GAB1: variants seen among roughly 807,000 people sequenced by gnomAD.
GAB1 encodes the protein GRB2-associated-binding protein 1.
A neutral mutation model predicts 66.5 loss-of-function variants in GAB1; 19 were observed. That is an observed-to-expected ratio of 0.29 (90% CI 0.20 to 0.42). The LOEUF (loss-of-function observed/expected upper bound fraction) is 0.42, where lower values mean the gene tolerates loss of function less well. Among genes scored for constraint, GAB1 ranks in the 10% least tolerant of loss-of-function variants. The pLI is 1.00. For synonymous variants in GAB1, 294 were observed against 301.4 expected (o/e 0.98, Z 0.25); for missense variants, 732 against 858.5 (o/e 0.85, Z 1.84).
intron 1 of GAB1, among the ~76,000 whole-genome samples, chr4:143,399,257 C>T (rs1731623785): frequency 6.6e-6 from 1 of 152,142 alleles, no homozygotes; most frequent in Non-Finnish European, 1.5e-5. Context: ...AATATACTAC[C>T]TAGATGCAAT....
intron 1 of GAB1, among the ~76,000 whole-genome samples, chr4:143,406,696 C>T (rs560029415): frequency 1.3e-5 from 2 of 152,356 alleles, no homozygotes; most frequent in South Asian, 4.1e-4. Flanking sequence ...GGCCTTTCTT[C>T]CCAGTACACA....
chr4:143,383,497 T>C (rs1048867746), intron 1 of GAB1, among the ~76,000 whole-genome samples: 4 of 152,158 alleles, frequency 2.6e-5, no homozygotes, highest in African/African-American at 7.2e-5. Flanking sequence ...TTCTGAGAAG[T>C]GTAAGAAAAG....
chr4:143,440,424 A>G (rs1289347004), intron 6 of GAB1, 42 bp downstream of exon 6: 3 of 1,518,118 alleles, frequency 2.0e-6, no homozygotes, highest in African/African-American at 1.4e-5. Flanking sequence ...GGGAGTGCCA[A>G]GTTAGATCTA....
chr4:143,444,211 G>A (rs1002031119), intron 6 of GAB1, among the ~76,000 whole-genome samples: 2 of 151,936 alleles, frequency 1.3e-5, no homozygotes, highest in African/African-American at 4.8e-5. Context: ...ATATTAAATC[G>A]CTAAACTTAT....
intron 2 of GAB1, among the ~76,000 whole-genome samples, chr4:143,427,581 C>T (rs151068595): frequency 4.1e-4 from 62 of 151,590 alleles, no homozygotes; most frequent in East Asian, 3.1e-3. Context: ...ACCCTTTTTC[C>T]GGCATGTCAG....
chr4:143,423,572 G>C (rs991427889), intron 2 of GAB1, among the ~76,000 whole-genome samples: 1 of 150,690 alleles, frequency 6.6e-6, no homozygotes, highest in Non-Finnish European at 1.5e-5. Flanking sequence ...GGTGGTAGGT[G>C]CCTGTCATCC....
intron 1 of GAB1, among the ~76,000 whole-genome samples, chr4:143,349,116 T>C (rs1030449146): frequency 6.6e-6 from 1 of 152,248 alleles, no homozygotes; most frequent in African/African-American, 2.4e-5. Flanking sequence ...GGTGGGGCCA[T>C]GTTGTGACTT....
At chr4:143,401,933 C>T (rs917481304) in intron 1 of GAB1, among the ~76,000 whole-genome samples, 1 of 152,050 alleles carries the variant, frequency 6.6e-6, no homozygotes, top group African/African-American at 2.4e-5. Flanking sequence ...TGATTTTTTT[C>T]TGGAGAACAC....
intron 1 of GAB1, among the ~76,000 whole-genome samples, chr4:143,340,234 A>G (rs1179292772): frequency 6.6e-6 from 1 of 152,132 alleles, no homozygotes; most frequent in African/African-American, 2.4e-5. Flanking sequence ...ATTTTTCTGG[A>G]TAAAGGAAAC....
intron 1 of GAB1, among the ~76,000 whole-genome samples, chr4:143,346,946 A>G (rs1404610916): frequency 2.6e-5 from 4 of 152,152 alleles, no homozygotes; most frequent in Non-Finnish European, 5.9e-5. Flanking sequence ...TTTTCTTTCT[A>G]TTCCTTTAAG....
intron 1 of GAB1, among the ~76,000 whole-genome samples, chr4:143,367,173 T>G (rs190362948): frequency 6.6e-6 from 1 of 152,288 alleles, no homozygotes; most frequent in Admixed American, 6.5e-5. Flanking sequence ...TAGTTATTAT[T>G]TCTAATTGGG....
intron 2 of GAB1, among the ~76,000 whole-genome samples, chr4:143,426,435 C>T (rs1470250578): frequency 6.6e-6 from 1 of 152,036 alleles, no homozygotes. Context: ...CCTGTAGCCC[C>T]AGCTACGTAG....
At chr4:143,464,669 A>C (rs1735686715) in intron 8 of GAB1, among the ~76,000 whole-genome samples, 1 of 152,188 alleles carries the variant, frequency 6.6e-6, no homozygotes, top group African/African-American at 2.4e-5. Context: ...GATTATATGA[A>C]ATTCAGGCTA....
intron 1 of GAB1, among the ~76,000 whole-genome samples, chr4:143,406,316 CTG>C (rs1435788151): frequency 6.6e-6 from 1 of 151,970 alleles, no homozygotes; most frequent in Non-Finnish European, 1.5e-5. Context: ...GGCTCAATGA[CTG>C]TGGACATGTT....
chr4:143,457,759 A>G, intron 6 of GAB1: 3 of 1,558,988 alleles, frequency 1.9e-6, no homozygotes, highest in Non-Finnish European at 2.6e-6. Flanking sequence ...ACTTTGCTAC[A>G]AGAAGAAAGG....
At chr4:143,398,909 G>A (rs1731599770) in intron 1 of GAB1, among the ~76,000 whole-genome samples, 1 of 151,802 alleles carries the variant, frequency 6.6e-6, no homozygotes, top group Non-Finnish European at 1.5e-5. Context: ...GAAAAAAAAA[G>A]TAAGTAAGTA....
chr4:143,429,262 C>A (rs892325895), intron 2 of GAB1, among the ~76,000 whole-genome samples: 1 of 152,136 alleles, frequency 6.6e-6, no homozygotes, highest in African/African-American at 2.4e-5. Context: ...GCCACCACAC[C>A]TGGCTAATTT....
intron 1 of GAB1, among the ~76,000 whole-genome samples, chr4:143,348,873 C>T (rs1364884723): frequency 6.6e-6 from 1 of 152,148 alleles, no homozygotes; most frequent in Non-Finnish European, 1.5e-5. Context: ...TCTCTCCGGG[C>T]CTTTGCACAT....
intron 3 of GAB1, 31 bp from the exon 4 acceptor site, chr4:143,437,968 G>C (rs1026901556): frequency 1.3e-6 from 2 of 1,582,234 alleles, no homozygotes; most frequent in African/African-American, 2.7e-5. Flanking sequence ...TCTCCACCTT[G>C]TTTATTCTGT....
Sources: gnomAD v4.1 joint callset for allele counts (sites outside exome capture counted in the v4.1 genomes callset) on GRCh38, gnomAD v4.1.1 for gene constraint, MANE v1.5 for transcripts, NCBI Gene and HGNC (gene_info 2026-07-23, HGNC 2026-07-21) for gene names.